The following TP63 variants were observed in gnomAD, a reference collection of about 807,000 sequenced individuals.
The protein encoded by TP63 is tumor protein 63.
Under a neutral mutation model 82.8 loss-of-function variants are expected in TP63, and 17 were observed. The ratio of observed to expected loss-of-function variants is 0.21; its 90% CI spans 0.14 to 0.31. TP63 has a LOEUF of 0.31. Among genes scored for constraint, TP63 ranks in the 10% least tolerant of loss-of-function variants. TP63 has a pLI of 1.00. For missense variants in TP63, 648 were observed against 895.3 expected, an observed-to-expected ratio of 0.72 and a Z score of 3.52; for synonymous variants, 330 against 321.7, an observed-to-expected ratio of 1.03 and a Z score of -0.28.
chr3:189,722,489 C>T (rs11710119), intron 1 of TP63, among the ~76,000 whole-genome samples: 82,146 of 152,034 alleles, frequency 0.54, 22,369 homozygotes, highest in Middle Eastern at 0.66. Context: ...CTTCACTTCA[C>T]AGAGGAGGAA....
At chr3:189,617,115 C>A in the TP63 span, among the ~76,000 whole-genome samples, 1 of 152,198 alleles carries the variant, frequency 6.6e-6, no homozygotes, top group Non-Finnish European at 1.5e-5. Context: ...TCTAAATCTT[C>A]ATGGGGATTA....
At chr3:189,883,568 G>A (rs1485542077) in intron 10 of TP63, among the ~76,000 whole-genome samples, 1 of 152,166 alleles carries the variant, frequency 6.6e-6, no homozygotes, top group Non-Finnish European at 1.5e-5. Flanking sequence ...AGTGAAAGAA[G>A]CTAAGAAGCT....
intron 3 of TP63, among the ~76,000 whole-genome samples, chr3:189,790,039 C>T (rs1434544104): frequency 1.3e-5 from 2 of 149,216 alleles, no homozygotes; most frequent in Non-Finnish European, 3.0e-5. Flanking sequence ...GGAGATGAAA[C>T]AGTAGGAGAA....
intron 11 of TP63, among the ~76,000 whole-genome samples, chr3:189,888,617 C>T (rs991231742): frequency 6.6e-6 from 1 of 152,068 alleles, no homozygotes; most frequent in Non-Finnish European, 1.5e-5. Context: ...TTATTTTGTT[C>T]TTTTTGACAT....
rs142513961 is a variant in TP63, at chr3:189,712,137, G to A, written c.63-25603G>A. 5.9e-5 allele frequency among the ~76,000 whole-genome samples: 9 copies of A among 152,304 alleles called. No homozygotes were observed. The East Asian group carries it at 1.2e-3, about 20-fold the overall frequency. On this transcript the variant is annotated intron_variant, in intron 1 of 13. Transcript: ENST00000264731. ...TTGCACAAACACTACAATAGGCACC[G>A]TGGTAGACACTGAGATACAATAATG...
chr3:189,742,315 C>T (rs954798750), intron 3 of TP63, among the ~76,000 whole-genome samples: 3 of 149,248 alleles, frequency 2.0e-5, no homozygotes, highest in African/African-American at 7.4e-5. Context: ...ACTGTGTAAG[C>T]ATGCCTGTCA....
At chr3:189,711,421 A>G (rs1718586899) in intron 1 of TP63, among the ~76,000 whole-genome samples, 1 of 152,178 alleles carries the variant, frequency 6.6e-6, no homozygotes, top group African/African-American at 2.4e-5. Context: ...CAAGGCTGCT[A>G]ATACATTCAT....
At chr3:189,759,770 G>A (rs1722433540) in intron 3 of TP63, among the ~76,000 whole-genome samples, 1 of 152,180 alleles carries the variant, frequency 6.6e-6, no homozygotes. Context: ...ACCACCCTCA[G>A]AGAGAGTAGC....
chr3:189,611,403 C>A, the TP63 span, among the ~76,000 whole-genome samples: 18 of 152,274 alleles, frequency 1.2e-4, no homozygotes, highest in Admixed American at 8.5e-4. Context: ...AGTAGGTTGT[C>A]TTTTCCCCAT....
At chr3:189,760,759 G>T (rs569704024) in intron 3 of TP63, among the ~76,000 whole-genome samples, 76 of 152,258 alleles carry the variant, frequency 5.0e-4, no homozygotes, top group Non-Finnish European at 9.6e-4. Context: ...TATCCCTTCT[G>T]CCCTGCCCTA....
intron 1 of TP63, among the ~76,000 whole-genome samples, chr3:189,675,552 T>G (rs1715313665): frequency 6.6e-6 from 1 of 152,138 alleles, no homozygotes; most frequent in African/African-American, 2.4e-5. Flanking sequence ...CATATAAATT[T>G]AGAGGTCATA....
At chr3:189,830,423 T>A (rs1016025596) in intron 4 of TP63, among the ~76,000 whole-genome samples, 1 of 152,164 alleles carries the variant, frequency 6.6e-6, no homozygotes. Context: ...CCTGAAACCA[T>A]TGGAAATTGG....
chr3:189,659,839 C>G (rs1272573550), intron 1 of TP63, among the ~76,000 whole-genome samples: 6 of 151,828 alleles, frequency 4.0e-5, no homozygotes, highest in African/African-American at 1.5e-4. Context: ...GTTTGTTGGC[C>G]ACTTGTATGT....
intron 1 of TP63, among the ~76,000 whole-genome samples, chr3:189,725,495 C>T (rs553231911): frequency 6.6e-6 from 1 of 152,198 alleles, no homozygotes; most frequent in African/African-American, 2.4e-5. Flanking sequence ...TAATACGTAT[C>T]CCGTTGTGAT....
chr3:189,673,267 T>C (rs1440961215), intron 1 of TP63, among the ~76,000 whole-genome samples: 5 of 152,180 alleles, frequency 3.3e-5, no homozygotes, highest in Admixed American at 3.3e-4. Flanking sequence ...CTGATAAAAC[T>C]GATCTGTAAA....
intron 1 of TP63, among the ~76,000 whole-genome samples, chr3:189,650,371 A>G (rs1170585806): frequency 6.8e-6 from 1 of 147,134 alleles, no homozygotes; most frequent in Non-Finnish European, 1.5e-5. Context: ...TTGATTGATG[A>G]GTGATATGGT....
intron 4 of TP63, among the ~76,000 whole-genome samples, chr3:189,836,706 C>G (rs1379191721): frequency 6.6e-6 from 1 of 152,066 alleles, no homozygotes; most frequent in Non-Finnish European, 1.5e-5. Context: ...TTTTCTTTTC[C>G]TACTCTTCCT....
intron 3 of TP63, among the ~76,000 whole-genome samples, chr3:189,773,915 C>CTTT (rs57761830): frequency 1.5e-3 from 107 of 72,920 alleles, no homozygotes; most frequent in East Asian, 1.9e-3. Flanking sequence ...TGTCTCGTGC[C>CTTT]TTTTTTTTTT....
intron 3 of TP63, among the ~76,000 whole-genome samples, chr3:189,791,430 T>C (rs905745089): frequency 3.3e-5 from 5 of 152,126 alleles, no homozygotes; most frequent in African/African-American, 9.6e-5. Flanking sequence ...GTAGAAATTA[T>C]TTCCTTTTAT....
Sources: allele counts gnomAD v4.1 joint callset (sites outside exome capture counted in the v4.1 genomes callset), GRCh38; gene constraint gnomAD v4.1.1; transcripts MANE v1.5; gene names NCBI Gene and HGNC (gene_info 2026-07-23, HGNC 2026-07-21).